SCAF8: variants seen among roughly 807,000 people sequenced by gnomAD.
SCAF8 encodes the protein SR-related CTD associated factor 8, also known as SR-related and CTD-associated factor 8.
SCAF8 carries 23 observed loss-of-function variants against 140.5 expected under a neutral mutation model. That is an observed-to-expected ratio of 0.16 (90% CI 0.12 to 0.23). The LOEUF is 0.23. Among genes scored for constraint, SCAF8 ranks in the 10% least tolerant of loss-of-function variants. SCAF8 has a pLI of 1.00. For missense variants in SCAF8, 1,397 were observed against 1,555.7 expected, an observed-to-expected ratio of 0.90 and a Z score of 1.72; for synonymous variants, 575 against 528.9, an observed-to-expected ratio of 1.09 and a Z score of -1.20.
intron 10 of SCAF8, among the ~76,000 whole-genome samples, 163 bp downstream of exon 10, chr6:154,808,364 G>C (rs1421425093): frequency 1.3e-5 from 2 of 152,124 alleles, no homozygotes; most frequent in African/African-American, 2.4e-5. Context: ...CCTAAGCATG[G>C]CCCCTAGGCC....
At chr6:154,744,427 TTATAATA>T (rs973704610) in intron 1 of SCAF8, among the ~76,000 whole-genome samples, 2 of 152,166 alleles carry the variant, frequency 1.3e-5, no homozygotes, top group African/African-American at 2.4e-5. Context: ...GTGAACCACT[TTATAATA>T]TGTAGTGTTT....
intron 14 of SCAF8, 90 bp from the exon 15 acceptor site, chr6:154,820,087 A>G: frequency 9.8e-7 from 1 of 1,024,644 alleles, no homozygotes; most frequent in Non-Finnish European, 1.4e-6. Context: ...TAATGTGTTT[A>G]CATTGTTTAA....
chr6:154,770,027 A>T (rs534760210), intron 1 of SCAF8, among the ~76,000 whole-genome samples: 1 of 152,304 alleles, frequency 6.6e-6, no homozygotes, highest in East Asian at 1.9e-4. Flanking sequence ...TGGTGAGAAG[A>T]CGGGCATACC....
intron 2 of SCAF8, among the ~76,000 whole-genome samples, chr6:154,776,018 C>T (rs565900092): frequency 2.8e-4 from 42 of 152,090 alleles, no homozygotes; most frequent in Middle Eastern, 3.4e-3. Context: ...AAGACATTTT[C>T]CTTGGGAACC....
chr6:154,788,987 AG>A (rs1187789150), intron 4 of SCAF8, among the ~76,000 whole-genome samples: 1 of 152,200 alleles, frequency 6.6e-6, no homozygotes, highest in African/African-American at 2.4e-5. Context: ...AAAACTTGAA[AG>A]CTCACCACAA....
chr6:154,747,344 T>A (rs1311585432), intron 1 of SCAF8, among the ~76,000 whole-genome samples: 1 of 152,098 alleles, frequency 6.6e-6, no homozygotes, highest in Admixed American at 6.6e-5. Context: ...TGAAACAATA[T>A]GTCTCTACAA....
At chr6:154,754,440 A>G (rs1010825499) in intron 1 of SCAF8, among the ~76,000 whole-genome samples, 3 of 152,214 alleles carry the variant, frequency 2.0e-5, no homozygotes, top group Non-Finnish European at 4.4e-5. Flanking sequence ...GTGCCTAGGT[A>G]GTGAGAAGAA....
chr6:154,819,626 A>G (rs1463650989), intron 14 of SCAF8, among the ~76,000 whole-genome samples: 1 of 151,552 alleles, frequency 6.6e-6, no homozygotes, highest in Non-Finnish European at 1.5e-5. Flanking sequence ...ATCACCCCTC[A>G]TGTAGGTTGA....
chr6:154,779,448 A>T (rs1013407281), intron 3 of SCAF8, among the ~76,000 whole-genome samples: 1 of 152,148 alleles, frequency 6.6e-6, no homozygotes, highest in Non-Finnish European at 1.5e-5. Context: ...GAGGAACCTG[A>T]GATTCTGCAT....
intron 1 of SCAF8, among the ~76,000 whole-genome samples, chr6:154,748,141 AGT>A (rs1380715283): frequency 1.3e-5 from 2 of 152,086 alleles, no homozygotes; most frequent in Admixed American, 6.6e-5. Context: ...AGTGATTCTT[AGT>A]CATTATGATT....
At chr6:154,812,419 A>G (rs548383634) in intron 12 of SCAF8, among the ~76,000 whole-genome samples, 1 of 150,970 alleles carries the variant, frequency 6.6e-6, no homozygotes, top group Admixed American at 6.7e-5. Context: ...TTTTGTGTGC[A>G]CTGGGAAGAA....
intron 12 of SCAF8, among the ~76,000 whole-genome samples, 172 bp from the exon 13 acceptor site, chr6:154,815,544 T>C (rs1433178143): frequency 2.0e-5 from 3 of 152,204 alleles, no homozygotes; most frequent in Non-Finnish European, 4.4e-5. Context: ...TTAATACTTG[T>C]GATTTTAGTT....
At chr6:154,783,678 A>G (rs911796252) in intron 3 of SCAF8, among the ~76,000 whole-genome samples, 1 of 152,170 alleles carries the variant, frequency 6.6e-6, no homozygotes, top group African/African-American at 2.4e-5. Context: ...ATGGTGGTTG[A>G]TATTTTGCAG....
chr6:154,737,573 A>T (rs9383723), intron 1 of SCAF8, among the ~76,000 whole-genome samples: 88,377 of 151,758 alleles, frequency 0.58, 27,652 homozygotes, highest in East Asian at 0.91. Context: ...TAGTCCCAAC[A>T]TGGGTGAAGG....
At chr6:154,769,062 CAAAAAAAAA>C (rs56383173) in intron 1 of SCAF8, among the ~76,000 whole-genome samples, 1 of 96,786 alleles carries the variant, frequency 1.0e-5, no homozygotes, top group Admixed American at 1.1e-4. Flanking sequence ...GACACTGTCT[CAAAAAAAAA>C]AAAAAAAAAA....
At chr6:154,826,038 T>G (rs962666217) in intron 17 of SCAF8, among the ~76,000 whole-genome samples, 3 of 151,320 alleles carry the variant, frequency 2.0e-5, no homozygotes, top group Admixed American at 2.0e-4. Context: ...CTTCTGTAAC[T>G]TAAGTTCTTA....
chr6:154,826,385 T>G (rs1203585965), intron 17 of SCAF8, among the ~76,000 whole-genome samples: 1 of 152,134 alleles, frequency 6.6e-6, no homozygotes, highest in Non-Finnish European at 1.5e-5. Context: ...GTATATTTTA[T>G]TAAAAATAAA....
intron 18 of SCAF8, among the ~76,000 whole-genome samples, chr6:154,828,003 G>A (rs1243723559): frequency 1.3e-5 from 2 of 152,024 alleles, no homozygotes; most frequent in East Asian, 3.9e-4. Context: ...CAATTAGCCA[G>A]CCTATATTGA....
intron 3 of SCAF8, among the ~76,000 whole-genome samples, chr6:154,785,768 C>T (rs945012003): frequency 3.3e-5 from 5 of 152,164 alleles, no homozygotes; most frequent in Non-Finnish European, 7.4e-5. Flanking sequence ...TGATGATAAC[C>T]TGCAGATGAC....
Sources: gnomAD v4.1 joint callset for allele counts (sites outside exome capture counted in the v4.1 genomes callset) on GRCh38, gnomAD v4.1.1 for gene constraint, MANE v1.5 for transcripts, NCBI Gene and HGNC (gene_info 2026-07-23, HGNC 2026-07-21) for gene names.